The following SFMBT1 variants were observed in gnomAD, a reference collection of about 807,000 sequenced individuals.
SFMBT1 encodes scm-like with four MBT domains protein 1.
SFMBT1 carries 32 observed loss-of-function variants against 108.7 expected under a neutral mutation model. The ratio of observed to expected loss-of-function variants is 0.29; its 90% CI spans 0.22 to 0.40. The LOEUF is 0.40. SFMBT1 is among the 10% of genes least tolerant of loss of function. The pLI is 1.00. For missense variants in SFMBT1, 816 were observed against 1,059.6 expected, an observed-to-expected ratio of 0.77 and a Z score of 3.19; for synonymous variants, 348 against 369.5, an observed-to-expected ratio of 0.94 and a Z score of 0.67.
chr3:52,905,360 T>G, intron 20 of SFMBT1, 84 bp from the exon 21 acceptor site: 3 of 1,398,106 alleles, frequency 2.1e-6, no homozygotes, highest in Non-Finnish European at 2.9e-6. Context: ...ACTTTAGCTC[T>G]GTCAAAACTG....
At chr3:52,965,234 C>T (rs1704093006) in intron 2 of SFMBT1, among the ~76,000 whole-genome samples, 1 of 150,450 alleles carries the variant, frequency 6.6e-6, no homozygotes, top group African/African-American at 2.5e-5. Context: ...TGGATAAGTT[C>T]AACAGCAGAA....
At chr3:52,991,968 G>A (rs192568758) in intron 1 of SFMBT1, among the ~76,000 whole-genome samples, 32 of 152,328 alleles carry the variant, frequency 2.1e-4, no homozygotes, top group Non-Finnish European at 1.5e-5. Flanking sequence ...CATCCCCGAG[G>A]AGGAGATTGT....
chr3:52,980,016 T>G (rs1277438982), intron 1 of SFMBT1, among the ~76,000 whole-genome samples: 1 of 152,192 alleles, frequency 6.6e-6, no homozygotes, highest in Admixed American at 6.5e-5. Flanking sequence ...ACAAACCATG[T>G]AGCTTAAAAA....
At chr3:52,993,129 CAT>C (rs1208188079) in intron 1 of SFMBT1, among the ~76,000 whole-genome samples, 2 of 150,376 alleles carry the variant, frequency 1.3e-5, no homozygotes, top group African/African-American at 4.9e-5. Context: ...AAAAATAGCA[CAT>C]AGAGCAGGTA....
chr3:53,024,217 T>C (rs542340726), intron 1 of SFMBT1, among the ~76,000 whole-genome samples: 1 of 152,324 alleles, frequency 6.6e-6, no homozygotes, highest in South Asian at 2.1e-4. Flanking sequence ...GGTGGTGTGC[T>C]TGCTTCCAAG....
In SFMBT1 at chr3:52,972,674, G is replaced by A. The variant is rs185936666; in HGVS notation, c.-130-3416C>T. 2.9e-3 allele frequency among the ~76,000 whole-genome samples: 440 copies of A among 151,718 alleles called. 3 individuals carry two copies. Among genetic ancestry groups the A allele is most frequent in the African/African-American group, 0.01 (423 of 41,334 alleles). On this transcript the variant is annotated intron_variant, in intron 1 of 20. Transcript: ENST00000394752. ...TGTAATCCCAGCACTTTGAGAGGCC[G>A]AGGCAGGTGGATTGCTTGAGATCAG...
At chr3:53,014,208 G>T (rs1011936416) in intron 1 of SFMBT1, among the ~76,000 whole-genome samples, 14 of 152,138 alleles carry the variant, frequency 9.2e-5, no homozygotes, top group Non-Finnish European at 1.9e-4. Context: ...TTACATGTAA[G>T]GCTTTTTCCA....
Position 52,920,562 on chromosome 3 carries a change from G to T in SFMBT1, c.1347C>A (p.Pro449=), listed in dbSNP as rs78811884. 1.7e-5 allele frequency: 28 copies of T among 1,613,906 alleles called. No individual in the cohort carries two copies. The African/African-American group carries it at 2.8e-4, about 16-fold the overall frequency. Residue 449 remains proline, a synonymous_variant, in exon 12 of 21, where the codon CCC becomes CCA. Transcript: ENST00000394752. ...PLGWCETNGH[P]LSTPRRARVY... is the part of the protein sequence containing the mutation. ...CTCGTGCTCGGCGAGGAGTGCTGAG[G>T]GGGTGGCCGTTGGTTTCACACCAGC...
chr3:52,998,143 C>T lies in SFMBT1; in HGVS notation c.-130-28885G>A, dbSNP rs1274434852. 4.7e-5 allele frequency among the ~76,000 whole-genome samples: 7 copies of T among 150,158 alleles called. 1 individual carries two copies. The highest frequency in any genetic ancestry group is 1.0e-4 in the Non-Finnish European group (7 of 67,020). Reference sequence around the variant, plus strand: ...GAAAAAATGTAGATCAGGTCGGGCACGGTGGCTCACGCCTGTAATCCCAGC... The same window carrying T: ...GAAAAAATGTAGATCAGGTCGGGCATGGTGGCTCACGCCTGTAATCCCAGC... On this transcript the variant is annotated intron_variant, in intron 1 of 20. Transcript: ENST00000394752.
intron 18 of SFMBT1, 106 bp from the exon 19 acceptor site, chr3:52,907,420 A>G (rs1045813783): frequency 7.2e-5 from 110 of 1,520,242 alleles, no homozygotes; most frequent in Non-Finnish European, 2.8e-5. Context: ...AGGACAAACC[A>G]GTTCTTGGGC....
At chr3:52,907,491 T>A (rs778225431) in intron 18 of SFMBT1, 64 bp downstream of exon 18, 1 of 1,554,012 alleles carries the variant, frequency 6.4e-7, no homozygotes, top group Admixed American at 2.0e-5. Flanking sequence ...GTATTCTGTG[T>A]CCATACTATA....
chr3:52,953,403 T>C (rs934718079), intron 3 of SFMBT1, among the ~76,000 whole-genome samples: 1 of 151,588 alleles, frequency 6.6e-6, no homozygotes, highest in African/African-American at 2.4e-5. Flanking sequence ...CAGTGAGCTA[T>C]GATGGGCGAT....
chr3:52,944,728 C>T (rs1703301393), intron 3 of SFMBT1, among the ~76,000 whole-genome samples: 1 of 152,086 alleles, frequency 6.6e-6, no homozygotes, highest in South Asian at 2.1e-4. Context: ...ACCATGTTGG[C>T]CAGGCTGGTC....
At chr3:52,928,786 C>T (rs1487209969) in intron 8 of SFMBT1, among the ~76,000 whole-genome samples, 1 of 151,470 alleles carries the variant, frequency 6.6e-6, no homozygotes, top group African/African-American at 2.4e-5. Flanking sequence ...GCACTGCAGT[C>T]TTGACTTCCT....
At chr3:52,925,212 C>T (rs1316956497) in intron 10 of SFMBT1, among the ~76,000 whole-genome samples, 5 of 152,176 alleles carry the variant, frequency 3.3e-5, no homozygotes, top group Non-Finnish European at 1.5e-5. Flanking sequence ...CAGAGCAAGA[C>T]TCTGTCTCAA....
intron 3 of SFMBT1, among the ~76,000 whole-genome samples, chr3:52,948,274 A>C (rs983572118): frequency 1.3e-5 from 2 of 152,168 alleles, no homozygotes; most frequent in South Asian, 2.1e-4. Context: ...TGTCCCTACA[A>C]AAGTGGATCT....
intron 1 of SFMBT1, among the ~76,000 whole-genome samples, chr3:53,031,577 A>G (rs1037502796): frequency 1.4e-5 from 2 of 143,908 alleles, no homozygotes; most frequent in Non-Finnish European, 3.0e-5. Context: ...GAACATTCAG[A>G]ACTAAAACTA....
chr3:53,042,764 T>C (rs187870235), intron 1 of SFMBT1, among the ~76,000 whole-genome samples: 1 of 151,588 alleles, frequency 6.6e-6, no homozygotes, highest in African/African-American at 2.4e-5. Flanking sequence ...AAAAATGTAA[T>C]AGATTTTAAA....
intron 3 of SFMBT1, among the ~76,000 whole-genome samples, chr3:52,946,543 T>G (rs1703372930): frequency 1.3e-5 from 2 of 152,260 alleles, no homozygotes; most frequent in Non-Finnish European, 2.9e-5. Context: ...CTGTGTAGTA[T>G]TCCACTATAT....
Sources: gnomAD v4.1 joint callset for allele counts (sites outside exome capture counted in the v4.1 genomes callset) on GRCh38, gnomAD v4.1.1 for gene constraint, MANE v1.5 for transcripts, NCBI Gene and HGNC (gene_info 2026-07-23, HGNC 2026-07-21) for gene names.